NTRK1: variants seen among roughly 807,000 people sequenced by gnomAD.
The protein encoded by NTRK1 is neurotrophic receptor tyrosine kinase 1, also known as high affinity nerve growth factor receptor.
A neutral mutation model predicts 86.8 loss-of-function variants in NTRK1; 62 were observed. The observed-to-expected ratio is 0.71, with a 90% CI of 0.58 to 0.88. The LOEUF (loss-of-function observed/expected upper bound fraction) is 0.88. Among genes scored for constraint, NTRK1 ranks in the 40% least tolerant of loss-of-function variants. NTRK1 has a pLI of 0.00. For missense variants in NTRK1, 967 were observed against 1,078.4 expected, an observed-to-expected ratio of 0.90 and a Z score of 1.45; for synonymous variants, 469 against 456.6, an observed-to-expected ratio of 1.03 and a Z score of -0.35.
intron 1 of NTRK1, among the ~76,000 whole-genome samples, chr1:156,834,354 T>TG (rs1558079061): frequency 6.6e-6 from 1 of 152,188 alleles, no homozygotes. Context: ...TGTATTAGGC[T>TG]GGGGCATATC....
chr1:156,855,542 G>T (rs529019253), intron 2 of NTRK1, among the ~76,000 whole-genome samples: 4 of 152,240 alleles, frequency 2.6e-5, no homozygotes, highest in Non-Finnish European at 5.9e-5. Flanking sequence ...ATTTTCACTG[G>T]CTGGGTGCAG....
chr1:156,832,664 A>G (rs1340860357), intron 1 of NTRK1, among the ~76,000 whole-genome samples: 1 of 152,142 alleles, frequency 6.6e-6, no homozygotes, highest in Non-Finnish European at 1.5e-5. Context: ...GGCTCGAGAG[A>G]TGAAGCCTAG....
chr1:156,876,594 G>C (rs1357353909), intron 14 of NTRK1, 22 bp downstream of exon 14: 1 of 1,600,324 alleles, frequency 6.2e-7, no homozygotes, highest in Non-Finnish European at 8.5e-7. Flanking sequence ...TGGCCTCAGC[G>C]CTGGCCCCGG....
At chr1:156,827,201 C>T (rs1176319221) in intron 1 of NTRK1, among the ~76,000 whole-genome samples, 1 of 151,932 alleles carries the variant, frequency 6.6e-6, no homozygotes, top group Non-Finnish European at 1.5e-5. Context: ...TCCACTTCAG[C>T]TTCCCAAATA....
At chr1:156,853,935 T>C (rs1447616862) in intron 2 of NTRK1, 1 of 1,613,838 alleles carries the variant, frequency 6.2e-7, no homozygotes, top group Non-Finnish European at 8.5e-7. Flanking sequence ...CAGTCAATGG[T>C]GGAGAGGTGG....
intron 2 of NTRK1, chr1:156,844,026 G>A (rs749446657): frequency 3.2e-6 from 2 of 627,602 alleles, no homozygotes; most frequent in Non-Finnish European, 5.6e-6. Flanking sequence ...TAACTGAGAG[G>A]TATGTTTCCT....
rs930568573 is a variant in NTRK1, at chr1:156,868,420, G to T, written c.575-85G>T. 13 of 1,542,586 alleles carry T rather than the reference G, an allele frequency of 8.4e-6. No individual in the cohort carries two copies. The East Asian group carries it at 2.0e-4, about 23-fold the overall frequency. ...TGGGCTCCAGGTCATTGAGGAGGGT[G>T]GGGGAAGGAGCAGCCCCGCAGTAGA... On this transcript the variant is annotated intron_variant, in intron 5 of 16. Transcript: ENST00000524377.
At chr1:156,853,876 CT>C (rs1655317095) in intron 2 of NTRK1, 1 of 1,614,062 alleles carries the variant, frequency 6.2e-7, no homozygotes. Flanking sequence ...CCTCGCCCAG[CT>C]TGTTGCCCAC....
intron 1 of NTRK1, among the ~76,000 whole-genome samples, chr1:156,817,047 T>TTCTCTCTC (rs3840456): frequency 0.021 from 2,369 of 113,824 alleles, 147 homozygotes; most frequent in African/African-American, 0.029. Context: ...GAACTTCCCT[T>TTCTCTCTC]TCTCTCTCTC....
intron 1 of NTRK1, among the ~76,000 whole-genome samples, chr1:156,834,288 GA>G (rs1654542664): frequency 6.6e-6 from 1 of 152,182 alleles, no homozygotes; most frequent in Non-Finnish European, 1.5e-5. Context: ...GGTGGTGGGT[GA>G]CACAGTACAA....
intron 14 of NTRK1, among the ~76,000 whole-genome samples, chr1:156,877,043 G>T (rs1487710652): frequency 1.3e-5 from 2 of 151,888 alleles, no homozygotes; most frequent in African/African-American, 4.8e-5. Context: ...TTAGAGTTGG[G>T]GTCTTGCTCT....
intron 1 of NTRK1, chr1:156,841,675 A>G: frequency 6.2e-7 from 1 of 1,613,798 alleles, no homozygotes; most frequent in Non-Finnish European, 8.5e-7. Context: ...CAGACATCCG[A>G]GTGGGTGGTG....
chr1:156,819,678 CCTG>C (rs1237243129), intron 1 of NTRK1, among the ~76,000 whole-genome samples: 2 of 151,914 alleles, frequency 1.3e-5, no homozygotes, highest in Non-Finnish European at 2.9e-5. Context: ...CGCCACCATG[CCTG>C]GCTAATTTTG....
intron 12 of NTRK1, 155 bp from the exon 13 acceptor site, chr1:156,875,925 G>A: frequency 8.1e-7 from 1 of 1,240,714 alleles, no homozygotes; most frequent in Non-Finnish European, 1.2e-6. Context: ...CTATGACATG[G>A]GGCTTGCTGA....
rs749125836 is a variant in NTRK1, at chr1:156,854,323, G to T, written c.51-10031G>T. On this transcript the variant is annotated intron_variant, in intron 2 of 16. Transcript: ENST00000392302. This position sits in a 1 kb window ranked among gnomAD's most constrained non-coding sequence, Gnocchi z 4.2. ...GGCACACTGTGGGCATACACGGCAC[G>T]CAGCATTGAGTACAGCCCAGGCCAA... 2.6e-5 allele frequency: 41 copies of T among 1,588,340 alleles called. No individual in the cohort carries two copies. Among genetic ancestry groups the T allele is most frequent in the Middle Eastern group, 1.7e-4 (1 of 5,834 alleles).
At chr1:156,856,344 C>T (rs149569405), upstream of NTRK1, among the ~76,000 whole-genome samples, 8 of 152,276 alleles carry the variant, frequency 5.3e-5, no homozygotes, top group African/African-American at 1.9e-4. Flanking sequence ...GTGATCTGAG[C>T]TTTGCAGGTC....
At chr1:156,869,434 T>C (rs1647411927) in intron 6 of NTRK1, among the ~76,000 whole-genome samples, 1 of 151,882 alleles carries the variant, frequency 6.6e-6, no homozygotes, top group Non-Finnish European at 1.5e-5. Context: ...ATATCAGTTG[T>C]ACTGCATCCG....
At position 156,874,636 on chromosome 1, in the gene NTRK1, G is replaced by A; in HGVS notation, c.1251+10G>A. ...CGAAACACCTTTTGGGGTGAGATAG[G>A]AAGTAGAAGCTTGTGCAGACTTTGG... On this transcript the variant is annotated intron_variant, in intron 10 of 16. Transcript: ENST00000524377. 1 of 1,612,406 alleles carries A rather than the reference G, an allele frequency of 6.2e-7. No homozygotes were observed. The highest frequency in any genetic ancestry group is 8.5e-7 in the Non-Finnish European group (1 of 1,179,096).
Position 156,854,731 on chromosome 1 carries a change from A to G in NTRK1, c.51-9623A>G, listed in dbSNP as rs1291770208. 1.3e-5 allele frequency among the ~76,000 whole-genome samples: 2 copies of G among 151,976 alleles called. No individual in the cohort carries two copies. The highest frequency in any genetic ancestry group is 2.9e-5 in the Non-Finnish European group (2 of 68,002). ...GCTTGTCAACACCTTCACAGCTTCC[A>G]CCATCATCTTCCCCTGGATTGACAG... On this transcript the variant is annotated intron_variant, in intron 2 of 16. Coordinates refer to the NTRK1 transcript ENST00000392302. The surrounding 1 kb of genome is among the most constrained non-coding windows in gnomAD (Gnocchi z 4.2).
Sources: gnomAD v4.1 joint callset for allele counts (sites outside exome capture counted in the v4.1 genomes callset) on GRCh38, gnomAD v4.1.1 for gene constraint, Gnocchi (gnomAD v3.1) non-coding constraint, MANE v1.5 for transcripts, NCBI Gene and HGNC (gene_info 2026-07-23, HGNC 2026-07-21) for gene names.